Variants in RORA observed in about 807,000 individuals in gnomAD.
The protein encoded by RORA is nuclear receptor ROR-alpha.
In RORA, 7 loss-of-function variants were observed where a neutral mutation model predicts 69.5. The observed-to-expected ratio is 0.10, with a 90% CI of 0.06 to 0.19. The LOEUF (loss-of-function observed/expected upper bound fraction) is 0.19. Among genes scored for constraint, RORA ranks in the 10% least tolerant of loss-of-function variants. The pLI is 1.00. For missense variants in RORA, 457 were observed against 663.0 expected (o/e 0.69, Z 3.41); for synonymous variants, 261 against 240.8 (o/e 1.08, Z -0.78).
chr15:60,987,334 T>C (rs567608024), intron 1 of RORA, among the ~76,000 whole-genome samples: 1 of 152,304 alleles, frequency 6.6e-6, no homozygotes, highest in East Asian at 1.9e-4. Context: ...CTCCAGATTA[T>C]CCAAGTCTGC....
chr15:60,687,178 G>A (rs1863271), intron 1 of RORA, among the ~76,000 whole-genome samples: 152,179 of 152,258 alleles, frequency 1, 76,050 homozygotes, highest in Non-Finnish European at 1. Flanking sequence ...AGGAAATGAG[G>A]CCCACTCTCA....
At chr15:60,823,308 G>C (rs2072918380) in intron 1 of RORA, among the ~76,000 whole-genome samples, 1 of 152,130 alleles carries the variant, frequency 6.6e-6, no homozygotes, top group Non-Finnish European at 1.5e-5. Flanking sequence ...TCCTACCTCA[G>C]CCACCTGAAG....
At chr15:60,571,397 C>T (rs1048583874) in intron 2 of RORA, among the ~76,000 whole-genome samples, 1 of 152,132 alleles carries the variant, frequency 6.6e-6, no homozygotes, top group Non-Finnish European at 1.5e-5. Context: ...TGCTGTTACT[C>T]TTAACTAGAA....
intron 1 of RORA, among the ~76,000 whole-genome samples, chr15:60,809,265 T>A (rs899585730): frequency 1.1e-4 from 16 of 152,332 alleles, no homozygotes; most frequent in African/African-American, 3.8e-4. Flanking sequence ...ATATCAAACT[T>A]GAATTGGTAA....
chr15:60,988,341 A>G (rs1894272399), intron 1 of RORA, among the ~76,000 whole-genome samples: 1 of 152,192 alleles, frequency 6.6e-6, no homozygotes. Context: ...AATCAGTCAT[A>G]GCATGCTAAT....
intron 1 of RORA, among the ~76,000 whole-genome samples, chr15:60,947,230 T>C (rs932945243): frequency 3.3e-5 from 5 of 152,140 alleles, no homozygotes; most frequent in African/African-American, 4.8e-5. Context: ...ATGATGACGA[T>C]GGCGGTTTTG....
intron 1 of RORA, among the ~76,000 whole-genome samples, chr15:61,053,389 G>A (rs923186111): frequency 1.4e-4 from 22 of 151,836 alleles, no homozygotes; most frequent in African/African-American, 4.1e-4. Flanking sequence ...TGTCTCTGCC[G>A]CCTGCCTGTC....
At chr15:60,904,975 T>C (rs1891494035) in intron 1 of RORA, among the ~76,000 whole-genome samples, 1 of 152,128 alleles carries the variant, frequency 6.6e-6, no homozygotes, top group African/African-American at 2.4e-5. Flanking sequence ...CATGTCTACC[T>C]CTTTGGGAAC....
intron 1 of RORA, among the ~76,000 whole-genome samples, chr15:61,221,837 C>G (rs8040214): frequency 0.011 from 1,657 of 152,108 alleles, 28 homozygotes; most frequent in African/African-American, 0.037. Flanking sequence ...GCAGAAACTT[C>G]CTAATTGTTT....
intron 1 of RORA, among the ~76,000 whole-genome samples, chr15:60,929,321 C>A (rs1892308003): frequency 6.6e-6 from 1 of 152,178 alleles, no homozygotes; most frequent in Non-Finnish European, 1.5e-5. Context: ...CAGGAATCCT[C>A]ACAGGTGTGC....
At chr15:60,891,175 C>T (rs1159304439) in intron 1 of RORA, among the ~76,000 whole-genome samples, 2 of 152,184 alleles carry the variant, frequency 1.3e-5, no homozygotes, top group African/African-American at 4.8e-5. Context: ...TGCAAATGAG[C>T]CCATTTTTCT....
chr15:60,642,204 C>G (rs1354881707), intron 2 of RORA, among the ~76,000 whole-genome samples: 1 of 151,358 alleles, frequency 6.6e-6, no homozygotes, highest in Non-Finnish European at 1.5e-5. Context: ...TGGATCACAT[C>G]CCAGGGAAGT....
chr15:60,947,014 G>T (rs1892904479), intron 1 of RORA, among the ~76,000 whole-genome samples: 1 of 144,040 alleles, frequency 6.9e-6, no homozygotes, highest in Admixed American at 7.0e-5. Context: ...CCGGGAGGGA[G>T]GTGGGGGGCC....
rs1451879686 is a variant in RORA at position 60,494,016 on chromosome 15, C to T, written c.*3439G>A. Reference sequence around the variant, plus strand: ...CTTCCTCACCTGACCCTCAGCCCACCCCCATACGCTCACAGATAACTGGGT... The same window carrying T: ...CTTCCTCACCTGACCCTCAGCCCACTCCCATACGCTCACAGATAACTGGGT... On this transcript the variant is annotated 3_prime_UTR_variant, in exon 11 of 11. Coordinates refer to ENST00000335670, the MANE Select transcript of RORA (RefSeq NM_134261.3). 6.6e-6 allele frequency: 1 copy of T among 151,752 alleles called. No homozygotes were observed. Among genetic ancestry groups the T allele is most frequent in the Non-Finnish European group, 1.5e-5 (1 of 68,302 alleles). The allele number at this position is 151,752 out of a possible 1,614,324, so 9.4% of individuals were successfully genotyped here.
intron 2 of RORA, among the ~76,000 whole-genome samples, chr15:60,547,302 G>A (rs1382451480): frequency 6.7e-6 from 1 of 148,824 alleles, no homozygotes; most frequent in Non-Finnish European, 1.5e-5. Context: ...AGACACAGCT[G>A]TACTTTATAG....
At chr15:60,688,092 A>G (rs1054149893) in intron 1 of RORA, among the ~76,000 whole-genome samples, 1 of 152,338 alleles carries the variant, frequency 6.6e-6, no homozygotes, top group South Asian at 2.1e-4. Flanking sequence ...ACACCCAAAT[A>G]TTAGCAGTAG....
At chr15:60,803,131 C>T (rs1182480635) in intron 1 of RORA, among the ~76,000 whole-genome samples, 1 of 152,190 alleles carries the variant, frequency 6.6e-6, no homozygotes, top group African/African-American at 2.4e-5. Flanking sequence ...CCATAAATCA[C>T]CCTTAGGAAC....
chr15:61,040,551 T>C (rs1896710818), intron 1 of RORA, among the ~76,000 whole-genome samples: 2 of 152,064 alleles, frequency 1.3e-5, no homozygotes, highest in Admixed American at 1.3e-4. Flanking sequence ...TTTCAGGACA[T>C]TTGATGAGTC....
intron 1 of RORA, among the ~76,000 whole-genome samples, chr15:60,890,692 G>A (rs1423984101): frequency 6.6e-6 from 1 of 152,166 alleles, no homozygotes; most frequent in Non-Finnish European, 1.5e-5. Flanking sequence ...CAGTAATCCT[G>A]GATTATAAAT....
Sources: gnomAD v4.1 joint callset for allele counts (sites outside exome capture counted in the v4.1 genomes callset) on GRCh38, gnomAD v4.1.1 for gene constraint, MANE v1.5 for transcripts, NCBI Gene and HGNC (gene_info 2026-07-23, HGNC 2026-07-21) for gene names.